The following ARFGEF1 variants were observed in gnomAD, a reference collection of about 807,000 sequenced individuals.
ARFGEF1 encodes the protein ARF guanine nucleotide exchange factor 1, also known as brefeldin A-inhibited guanine nucleotide-exchange protein 1.
ARFGEF1 carries 42 observed loss-of-function variants against 231.0 expected under a neutral mutation model. That is an observed-to-expected ratio of 0.18 (90% CI 0.14 to 0.24). ARFGEF1 has a LOEUF of 0.24. Ranked by LOEUF, ARFGEF1 falls within the 10% of genes least tolerant of loss-of-function variation. The pLI is 1.00. For synonymous variants in ARFGEF1, 710 were observed against 732.3 expected, an observed-to-expected ratio of 0.97 and a Z score of 0.49; for missense variants, 1,345 against 2,192.0, an observed-to-expected ratio of 0.61 and a Z score of 7.72.
downstream of ARFGEF1, among the ~76,000 whole-genome samples, chr8:67,196,603 C>T (rs982253914): frequency 1.3e-5 from 2 of 152,172 alleles, no homozygotes; most frequent in African/African-American, 2.4e-5. Flanking sequence ...AATTAAATTA[C>T]TGATATTTTG....
At chr8:67,296,918 C>T (rs924967321) in intron 4 of ARFGEF1, among the ~76,000 whole-genome samples, 1 of 152,070 alleles carries the variant, frequency 6.6e-6, no homozygotes, top group Non-Finnish European at 1.5e-5. Flanking sequence ...TCCCAAAGTG[C>T]GGGGGTTACA....
intron 7 of ARFGEF1, among the ~76,000 whole-genome samples, chr8:67,280,703 C>A (rs1046705571): frequency 5.3e-5 from 8 of 152,296 alleles, no homozygotes; most frequent in Admixed American, 2.6e-4. Flanking sequence ...CCATACCCTG[C>A]TCAAGGGAGG....
intron 1 of ARFGEF1, among the ~76,000 whole-genome samples, chr8:67,329,529 A>AAAATAAATAAATAAAT (rs755348912): frequency 6.9e-6 from 1 of 145,948 alleles, no homozygotes; most frequent in Admixed American, 6.8e-5. Flanking sequence ...ACTCCATCTC[A>AAAATAAATAAATAAAT]AAATAAATAA....
downstream of ARFGEF1, chr8:67,193,624 C>A: frequency 6.3e-7 from 1 of 1,599,478 alleles, no homozygotes; most frequent in Non-Finnish European, 8.6e-7. Context: ...AGTGTAATGG[C>A]CTATAGTAGA....
chr8:67,207,530 T>C (rs781306770), intron 34 of ARFGEF1, among the ~76,000 whole-genome samples: 1 of 152,232 alleles, frequency 6.6e-6, no homozygotes, highest in African/African-American at 2.4e-5. Flanking sequence ...ATTTCAGTCA[T>C]GACAAGGTCT....
chr8:67,283,766 T>C (rs1361798472), intron 7 of ARFGEF1, among the ~76,000 whole-genome samples: 1 of 149,000 alleles, frequency 6.7e-6, no homozygotes, highest in East Asian at 2.0e-4. Context: ...CATAGAGAAA[T>C]GCACATTAAA....
intron 5 of ARFGEF1, chr8:67,180,019 G>T: frequency 1.6e-6 from 1 of 619,052 alleles, no homozygotes; most frequent in Non-Finnish European, 2.7e-6. Context: ...GTTGTACAAG[G>T]TAGTAAAAAA....
chr8:67,280,124 A>G (rs1457624821), intron 7 of ARFGEF1, among the ~76,000 whole-genome samples: 1 of 152,228 alleles, frequency 6.6e-6, no homozygotes, highest in Non-Finnish European at 1.5e-5. Flanking sequence ...TTTATTGCCT[A>G]TGACTGAACA....
chr8:67,199,210 C>T, intron 38 of ARFGEF1, 112 bp from the exon 39 acceptor site: 1 of 1,289,864 alleles, frequency 7.8e-7, no homozygotes, highest in Non-Finnish European at 1.1e-6. Context: ...AAAGCAGGGT[C>T]CACAGCAGGC....
exon 6 of ARFGEF1, chr8:67,175,559 A>T (rs1165564662): frequency 8.5e-6 from 10 of 1,175,732 alleles, no homozygotes; most frequent in Non-Finnish European, 1.2e-5. Context: ...CCATGCTCAC[A>T]GGGTCCGTTT....
chr8:67,186,099 C>G (rs940146870), intron 5 of ARFGEF1, among the ~76,000 whole-genome samples: 1 of 152,148 alleles, frequency 6.6e-6, no homozygotes, highest in Non-Finnish European at 1.5e-5. Context: ...TGGAGGAAGT[C>G]TCTTTAGGAA....
At position 67,243,718 on chromosome 8, in the gene ARFGEF1, G is replaced by T. The variant is rs77403741; in HGVS notation, c.2851-3428C>A. On this transcript the variant is annotated intron_variant, in intron 19 of 38. Coordinates refer to ENST00000262215, the MANE Select transcript of ARFGEF1 (RefSeq NM_006421.5). ...AAAGCCCAGACATCAATGAACATCT[G>T]TAAGTATCAAGACTATCCAGGAAAA... Among the ~76,000 whole-genome samples the T allele has an allele frequency of 8.0e-3, 1,217 of 152,244 alleles. 12 individuals are homozygous for T. The highest frequency in any genetic ancestry group is 0.028 in the African/African-American group (1,162 of 41,542).
In ARFGEF1 at chr8:67,343,405, G is replaced by A. The variant is rs1292183907; in HGVS notation, c.-118C>T. ...GAGAGGGGGTGGAGGTGGGGGATTG[G>A]AGGCGTGGAGGGCAGCGGCAGGATC... is the stretch of plus-strand genomic sequence containing the variant. On this transcript the variant is annotated 5_prime_UTR_variant, in exon 1 of 39. Coordinates refer to ENST00000262215, the MANE Select transcript of ARFGEF1 (RefSeq NM_006421.5). 1.6e-5 allele frequency: 23 copies of A among 1,457,418 alleles called. No homozygotes were observed. In the African/African-American group the frequency reaches 3.1e-4, roughly 20 times the overall value. The allele number at this position is 1,457,418 out of a possible 1,614,324, so 90.3% of individuals were successfully genotyped here. A position where few individuals can be genotyped will look rare whatever the true frequency, so the allele number is the denominator to read the frequency against.
intron 10 of ARFGEF1, among the ~76,000 whole-genome samples, chr8:67,268,206 C>T (rs893526157): frequency 1.1e-4 from 16 of 152,048 alleles, no homozygotes; most frequent in African/African-American, 3.4e-4. Flanking sequence ...GATTAGGTAC[C>T]CCTGTAATGT....
chr8:67,210,229 G>C (rs1838683079), intron 34 of ARFGEF1, among the ~76,000 whole-genome samples: 1 of 150,410 alleles, frequency 6.6e-6, no homozygotes, highest in Admixed American at 6.7e-5. Context: ...TGTAATCCAA[G>C]CATGTTGGGA....
intron 1 of ARFGEF1, among the ~76,000 whole-genome samples, chr8:67,309,773 G>A (rs1039921203): frequency 6.6e-6 from 1 of 152,180 alleles, no homozygotes; most frequent in Non-Finnish European, 1.5e-5. Context: ...ACAAAATCTT[G>A]TGAATGGTCT....
intron 19 of ARFGEF1, among the ~76,000 whole-genome samples, chr8:67,242,800 G>A (rs1401269637): frequency 2.6e-5 from 4 of 152,212 alleles, no homozygotes; most frequent in Non-Finnish European, 5.9e-5. Context: ...GCCCTGAAGG[G>A]TGAGTCCCGG....
Position 67,269,475 on chromosome 8 carries a change from C to T in ARFGEF1, c.1573-2033G>A, listed in dbSNP as rs1363506839. ...TCAAGCGATTGTCCTGCCTCTGCTC[C>T]CAAGTAGCTGGGATTACAGGCATGC... is the stretch of plus-strand genomic sequence containing the variant. On this transcript the variant is annotated intron_variant, in intron 10 of 38. Transcript: ENST00000262215. 1.3e-5 allele frequency among the ~76,000 whole-genome samples: 2 copies of T among 151,516 alleles called. 1 individual carries two copies. The highest frequency in any genetic ancestry group is 2.9e-5 in the Non-Finnish European group (2 of 67,894).
chr8:67,220,780 C>G (rs1365269202), intron 29 of ARFGEF1, among the ~76,000 whole-genome samples: 15 of 152,188 alleles, frequency 9.9e-5, no homozygotes. Flanking sequence ...GATGCTGCCT[C>G]TCATGGCTGG....
Sources: gnomAD v4.1 joint callset for allele counts (sites outside exome capture counted in the v4.1 genomes callset) on GRCh38, gnomAD v4.1.1 for gene constraint, MANE v1.5 for transcripts, NCBI Gene and HGNC (gene_info 2026-07-23, HGNC 2026-07-21) for gene names.